Variants in CNTNAP2 observed in about 807,000 individuals in gnomAD.
CNTNAP2 encodes contactin-associated protein-like 2.
Under a neutral mutation model 155.2 loss-of-function variants are expected in CNTNAP2, and 98 were observed. That is an observed-to-expected ratio of 0.63 (90% CI 0.54 to 0.75). The LOEUF is 0.75. Among genes scored for constraint, CNTNAP2 ranks in the 30% least tolerant of loss-of-function variants. The pLI is 0.00. For missense variants in CNTNAP2, 1,727 were observed against 1,688.1 expected (o/e 1.02, Z -0.40); for synonymous variants, 651 against 631.2 (o/e 1.03, Z -0.47).
At chr7:146,440,198 T>C (rs751946146) in intron 1 of CNTNAP2, among the ~76,000 whole-genome samples, 1 of 151,596 alleles carries the variant, frequency 6.6e-6, no homozygotes, top group Non-Finnish European at 1.5e-5. Context: ...GACCAGTTGC[T>C]GTACTTTTTG....
intron 1 of CNTNAP2, among the ~76,000 whole-genome samples, chr7:146,709,981 G>C: frequency 6.6e-6 from 1 of 152,134 alleles, no homozygotes; most frequent in African/African-American, 2.4e-5. Context: ...TTTCACAATC[G>C]ATTAGGAGCT....
chr7:146,881,460 AT>A (rs1033002041), intron 3 of CNTNAP2, among the ~76,000 whole-genome samples: 3 of 152,074 alleles, frequency 2.0e-5, no homozygotes, highest in Non-Finnish European at 4.4e-5. Context: ...GCCCTGCCTG[AT>A]TTTTAGCCCA....
chr7:148,274,517 C>A (rs1299224303), intron 21 of CNTNAP2, among the ~76,000 whole-genome samples: 1 of 152,320 alleles, frequency 6.6e-6, no homozygotes, highest in Non-Finnish European at 1.5e-5. Context: ...TGGGCCATCT[C>A]CTTGGTGATA....
chr7:147,314,352 T>C (rs886844146), intron 9 of CNTNAP2, among the ~76,000 whole-genome samples: 3 of 152,162 alleles, frequency 2.0e-5, no homozygotes, highest in Non-Finnish European at 4.4e-5. Context: ...TTAATACTTT[T>C]CCAATCAAAA....
chr7:147,317,257 A>G (rs533326405), intron 9 of CNTNAP2, among the ~76,000 whole-genome samples: 72 of 152,286 alleles, frequency 4.7e-4, no homozygotes, highest in Non-Finnish European at 7.5e-4. Flanking sequence ...TCCTCTTTCA[A>G]TCTATCTTCC....
In CNTNAP2 at chr7:148,410,045, C is replaced by T. The variant is rs1420760071; in HGVS notation, c.3796+574C>T. 8.5e-4 allele frequency among the ~76,000 whole-genome samples: 17 copies of T among 19,990 alleles called. 7 individuals are homozygous for T. Among genetic ancestry groups the T allele is most frequent in the African/African-American group, 1.5e-3 (5 of 3,424 alleles). The allele number at this position is 19,990 out of a possible 152,430, so 13.1% of individuals were successfully genotyped here. A position where few individuals can be genotyped will look rare whatever the true frequency, so the allele number is the denominator to read the frequency against. ...CGGCCTGGGCTAAAGAGCGGGACTCCGTCTCAAAAAAAAAAAAAAAAAAGA... is the reference window on the plus strand; with the variant it reads ...CGGCCTGGGCTAAAGAGCGGGACTCTGTCTCAAAAAAAAAAAAAAAAAAGA... On this transcript the variant is annotated intron_variant, in intron 23 of 23. Transcript: ENST00000361727.
intron 1 of CNTNAP2, among the ~76,000 whole-genome samples, chr7:146,496,528 C>T (rs931271830): frequency 3.3e-5 from 5 of 152,154 alleles, no homozygotes; most frequent in African/African-American, 4.8e-5. Flanking sequence ...CAAATTAATT[C>T]TGCCAGTCAG....
intron 4 of CNTNAP2, among the ~76,000 whole-genome samples, chr7:147,091,918 T>A (rs1383776945): frequency 6.6e-6 from 1 of 152,074 alleles, no homozygotes; most frequent in African/African-American, 2.4e-5. Flanking sequence ...TTTTTGTATT[T>A]TTAATAGAGA....
intron 1 of CNTNAP2, among the ~76,000 whole-genome samples, chr7:146,121,859 T>C (rs1032042494): frequency 6.6e-6 from 1 of 152,200 alleles, no homozygotes; most frequent in Non-Finnish European, 1.5e-5. Context: ...AGAATAATGA[T>C]GCAATCATTT....
At chr7:147,341,397 C>T (rs976766167) in intron 9 of CNTNAP2, among the ~76,000 whole-genome samples, 5 of 151,316 alleles carry the variant, frequency 3.3e-5, no homozygotes, top group Non-Finnish European at 7.4e-5. Flanking sequence ...TGTAACAAAC[C>T]TGCATGTTCT....
At chr7:148,402,328 T>G (rs1247459671) in intron 22 of CNTNAP2, among the ~76,000 whole-genome samples, 2 of 152,178 alleles carry the variant, frequency 1.3e-5, no homozygotes, top group Non-Finnish European at 2.9e-5. Flanking sequence ...TACTTTTTTT[T>G]TAGAAACTAG....
At chr7:146,659,626 A>G (rs1800053228) in intron 1 of CNTNAP2, among the ~76,000 whole-genome samples, 1 of 152,242 alleles carries the variant, frequency 6.6e-6, no homozygotes, top group South Asian at 2.1e-4. Context: ...TCTAAAAATA[A>G]CAAAATGTGT....
At chr7:147,646,833 A>C (rs563161040) in intron 13 of CNTNAP2, among the ~76,000 whole-genome samples, 36 of 152,218 alleles carry the variant, frequency 2.4e-4, no homozygotes, top group Non-Finnish European at 4.7e-4. Flanking sequence ...CCATGTACTC[A>C]GGAGCAAAGA....
chr7:148,298,218 T>C (rs955912526), intron 21 of CNTNAP2, among the ~76,000 whole-genome samples: 3 of 152,182 alleles, frequency 2.0e-5, no homozygotes, highest in African/African-American at 7.2e-5. Context: ...AGTTGGATGG[T>C]GCTAGTGGAT....
intron 19 of CNTNAP2, among the ~76,000 whole-genome samples, chr7:148,223,190 G>C (rs1228094669): frequency 6.6e-6 from 1 of 152,092 alleles, no homozygotes; most frequent in Non-Finnish European, 1.5e-5. Flanking sequence ...CCAGACACCT[G>C]CCTTTCATTC....
chr7:146,787,806 T>C (rs190914546), intron 2 of CNTNAP2, among the ~76,000 whole-genome samples: 31 of 152,222 alleles, frequency 2.0e-4, no homozygotes, highest in African/African-American at 7.5e-4. Flanking sequence ...TTTACAGTCC[T>C]TTAGCTAGAA....
intron 1 of CNTNAP2, among the ~76,000 whole-genome samples, chr7:146,135,842 A>T (rs1252516242): frequency 6.6e-6 from 1 of 152,104 alleles, no homozygotes; most frequent in African/African-American, 2.4e-5. Context: ...AATAAGAAAA[A>T]TACCAAGGAA....
At chr7:146,468,356 A>G (rs1339399545) in intron 1 of CNTNAP2, among the ~76,000 whole-genome samples, 3 of 152,016 alleles carry the variant, frequency 2.0e-5, no homozygotes, top group African/African-American at 7.2e-5. Context: ...TGACTGGATA[A>G]TTCATACCCC....
chr7:147,626,669 G>C (rs117266446), intron 12 of CNTNAP2, among the ~76,000 whole-genome samples: 1,709 of 152,262 alleles, frequency 0.011, 10 homozygotes, highest in Non-Finnish European at 0.016. Context: ...TACTGCAGCT[G>C]TTGCTGTCTT....
Sources: allele counts gnomAD v4.1 joint callset (sites outside exome capture counted in the v4.1 genomes callset), GRCh38; gene constraint gnomAD v4.1.1; transcripts MANE v1.5; gene names NCBI Gene and HGNC (gene_info 2026-07-23, HGNC 2026-07-21).